Variants in PDZD8 observed in about 807,000 individuals in gnomAD.
The protein encoded by PDZD8 is PDZ domain-containing protein 8.
In PDZD8, 14 loss-of-function variants were observed where a neutral mutation model predicts 85.8. That is an observed-to-expected ratio of 0.16 (90% CI 0.11 to 0.26). PDZD8 has a LOEUF of 0.26. Ranked by LOEUF, PDZD8 falls within the 10% of genes least tolerant of loss-of-function variation. The pLI, the probability that PDZD8 is intolerant of heterozygous loss-of-function variation, is 1.00. For missense variants in PDZD8, 1,197 were observed against 1,424.3 expected (o/e 0.84, Z 2.57); for synonymous variants, 592 against 568.6 (o/e 1.04, Z -0.59).
intron 2 of PDZD8, among the ~76,000 whole-genome samples, chr10:117,339,529 C>T (rs1564705210): frequency 1.3e-5 from 2 of 152,116 alleles, no homozygotes; most frequent in Non-Finnish European, 2.9e-5. Flanking sequence ...CAGTCCACTG[C>T]CTGTTTTGTA....
At chr10:117,298,997 A>T (rs1589549686) in intron 3 of PDZD8, among the ~76,000 whole-genome samples, 1 of 152,218 alleles carries the variant, frequency 6.6e-6, no homozygotes, top group Middle Eastern at 3.4e-3. Context: ...ATGAGGCAGT[A>T]CAATCAGCCC....
intron 3 of PDZD8, among the ~76,000 whole-genome samples, chr10:117,294,088 AG>A (rs889940467): frequency 2.0e-5 from 3 of 152,090 alleles, no homozygotes; most frequent in Non-Finnish European, 4.4e-5. Flanking sequence ...ATGCTTATAT[AG>A]GGGGGAAAAT....
intron 2 of PDZD8, among the ~76,000 whole-genome samples, chr10:117,320,410 C>T: frequency 6.6e-6 from 1 of 151,942 alleles, no homozygotes; most frequent in East Asian, 1.9e-4. Context: ...CCCCTGTAAT[C>T]GTAAGTTATT....
chr10:117,294,338 A>C (rs79631905), intron 3 of PDZD8, among the ~76,000 whole-genome samples: 120,241 of 148,570 alleles, frequency 0.81, 48,990 homozygotes, highest in Non-Finnish European at 0.88. Flanking sequence ...AAAAAAAAAA[A>C]AAAAAAACAA....
At chr10:117,312,747 G>T (rs1455098322) in intron 3 of PDZD8, among the ~76,000 whole-genome samples, 1 of 151,988 alleles carries the variant, frequency 6.6e-6, no homozygotes, top group Non-Finnish European at 1.5e-5. Flanking sequence ...TGTCTTTTCA[G>T]CTGAAGAACA....
intron 4 of PDZD8, among the ~76,000 whole-genome samples, chr10:117,286,637 A>G (rs896313433): frequency 1.3e-5 from 2 of 152,096 alleles, no homozygotes; most frequent in African/African-American, 4.8e-5. Context: ...CACCTCTTAC[A>G]ATCCTGTCTG....
rs901072682 is a variant in PDZD8 at position 117,280,135 on chromosome 10, C to A, written c.*3133G>T. On this transcript the variant is annotated 3_prime_UTR_variant, in exon 5 of 5. Coordinates refer to ENST00000334464, the MANE Select transcript of PDZD8 (RefSeq NM_173791.5). ...AGCATCACAAAATAGCCACTTATTT[C>A]AAGTACTTCTGATATTGAATATAAG... 1.3e-5 allele frequency: 2 copies of A among 152,090 alleles called. No homozygotes were observed. The highest frequency in any genetic ancestry group is 2.9e-5 in the Non-Finnish European group (2 of 68,018). 9.4% of individuals were successfully genotyped at this position (152,090 alleles called of 1,614,324 possible).
intron 1 of PDZD8, among the ~76,000 whole-genome samples, chr10:117,354,773 C>G (rs1406633838): frequency 6.6e-6 from 1 of 152,156 alleles, no homozygotes; most frequent in South Asian, 2.1e-4. Context: ...TAGGAACTAG[C>G]AAACATAAAT....
chr10:117,291,546 TATC>T (rs1185434162), intron 3 of PDZD8, among the ~76,000 whole-genome samples: 2 of 150,286 alleles, frequency 1.3e-5, no homozygotes, highest in Admixed American at 6.6e-5. Context: ...AAAAAAGAGT[TATC>T]ATGTGGTGGG....
Position 117,375,073 on chromosome 10 carries a change from G to A in PDZD8, c.155C>T (p.Pro52Leu), listed in dbSNP as rs764983191. The A allele has an allele frequency of 1.1e-5, 18 of 1,600,888 alleles. No homozygotes were observed. The East Asian group carries it at 2.0e-4, about 18-fold the overall frequency. Residue 52 changes from proline (P) to leucine (L), a missense_variant, in exon 1 of 5, where the codon CCG becomes CTG. Physicochemically the swap from Pro to Leu is moderately conservative, Grantham distance 98. This residue lies in a region of PDZD8 where 172 missense variants were observed against 137.8 expected (regional missense o/e 1.25). Transcript: ENST00000334464. ...GEGFRYIKPVPGLLLREYLYG... is the reference protein window; with the variant it reads ...GEGFRYIKPVLGLLLREYLYG... ...AAGGTACTCCCTTAGGAGCAGGCCC[G>A]GCACTGGCTTGATGTAGCGGAAGCC...
chr10:117,330,857 A>C (rs1442009365), intron 2 of PDZD8, among the ~76,000 whole-genome samples: 1 of 152,220 alleles, frequency 6.6e-6, no homozygotes, highest in Non-Finnish European at 1.5e-5. Context: ...CATTCAGACA[A>C]GACCTGGAAA....
chr10:117,315,587 C>CAA (rs35866840), intron 3 of PDZD8, among the ~76,000 whole-genome samples: 3,885 of 41,706 alleles, frequency 0.093, 337 homozygotes, highest in East Asian at 0.18. Context: ...TAGACTCTCT[C>CAA]AAAAAAAAAA....
intron 2 of PDZD8, among the ~76,000 whole-genome samples, chr10:117,337,259 C>A (rs371213590): frequency 1.3e-5 from 2 of 152,070 alleles, no homozygotes; most frequent in Non-Finnish European, 2.9e-5. Flanking sequence ...TCCTTCAAGA[C>A]AGAAGATAGA....
Position 117,284,851 on chromosome 10 carries a change from C to A in PDZD8, c.1882G>T (p.Val628Leu), listed in dbSNP as rs373053186. Residue 628 changes from valine to leucine, a missense_variant, in exon 5 of 5, where the codon GTA becomes TTA. This residue lies in a region of PDZD8 where 263 missense variants were observed against 261.9 expected (regional missense o/e 1.00). Coordinates refer to ENST00000334464, the MANE Select transcript of PDZD8 (RefSeq NM_173791.5). ...KPEKVVPPPL[V>L]DKSAEKQAKN... ...GCTTGCTTTTCAGCAGATTTATCTA[C>A]AAGAGGAGGTGGCACCACCTTCTCT... 22 of 1,614,068 alleles carry A rather than the reference C, an allele frequency of 1.4e-5. No individual in the cohort carries two copies. Among genetic ancestry groups the A allele is most frequent in the Non-Finnish European group, 1.7e-5 (20 of 1,180,040 alleles).
chr10:117,298,510 A>G (rs1843792935), intron 3 of PDZD8, among the ~76,000 whole-genome samples: 1 of 152,158 alleles, frequency 6.6e-6, no homozygotes, highest in African/African-American at 2.4e-5. Context: ...TATAGTAATT[A>G]CAGCACTGTT....
chr10:117,370,717 C>T (rs1363544454), intron 1 of PDZD8, among the ~76,000 whole-genome samples: 1 of 151,966 alleles, frequency 6.6e-6, no homozygotes, highest in South Asian at 2.1e-4. Context: ...AAAAGAAATG[C>T]CACGTGGGAC....
chr10:117,320,786 A>G (rs7897828), intron 2 of PDZD8, among the ~76,000 whole-genome samples: 35,146 of 151,994 alleles, frequency 0.23, 4,717 homozygotes, highest in East Asian at 0.44. Flanking sequence ...CTAGTATCCA[A>G]AAAACATATA....
At position 117,375,256 on chromosome 10, in the gene PDZD8, C is replaced by G; in HGVS notation, c.-29G>C. ...GCCACCGCCTCCGCCCGGGCCCCTA[C>G]TCCCGCGCCCACAGCGCCGCTTTCT... On this transcript the variant is annotated 5_prime_UTR_variant, in exon 1 of 5. Transcript: ENST00000334464. 7.0e-7 allele frequency: 1 copy of G among 1,433,232 alleles called. No homozygotes were observed. Among genetic ancestry groups the G allele is most frequent in the Non-Finnish European group, 9.1e-7 (1 of 1,098,014 alleles). The allele number at this position is 1,433,232 out of a possible 1,614,324, so 88.8% of individuals were successfully genotyped here.
rs1165980191 is a variant in PDZD8 at position 117,278,127 on chromosome 10, T to C, written c.*5141A>G. 6.6e-6 allele frequency: 1 copy of C among 152,214 alleles called. No homozygotes were observed. Among genetic ancestry groups the C allele is most frequent in the Non-Finnish European group, 1.5e-5 (1 of 68,030 alleles). The allele number at this position is 152,214 out of a possible 1,614,324, so 9.4% of individuals were successfully genotyped here. A position where few individuals can be genotyped will look rare whatever the true frequency, so the allele number is the denominator to read the frequency against. On this transcript the variant is annotated 3_prime_UTR_variant, in exon 5 of 5. Coordinates refer to ENST00000334464, the MANE Select transcript of PDZD8 (RefSeq NM_173791.5). ...CATGATAAGGTTAATCGCCATCTACTTCAAGTTTTAGAAAAGGAAACAAGA... is the reference window on the plus strand; with the variant it reads ...CATGATAAGGTTAATCGCCATCTACCTCAAGTTTTAGAAAAGGAAACAAGA...
Sources: gnomAD v4.1 joint callset for allele counts (sites outside exome capture counted in the v4.1 genomes callset) on GRCh38, gnomAD v4.1.1 for gene constraint, gnomAD v4.1.1 regional missense constraint, MANE v1.5 for transcripts, NCBI Gene and HGNC (gene_info 2026-07-23, HGNC 2026-07-21) for gene names.